TENM4: variants seen among roughly 807,000 people sequenced by gnomAD.
The protein encoded by TENM4 is teneurin-4.
Under a neutral mutation model 243.3 loss-of-function variants are expected in TENM4, and 82 were observed. The ratio of observed to expected loss-of-function variants is 0.34; its 90% CI spans 0.28 to 0.40. The LOEUF (loss-of-function observed/expected upper bound fraction) is 0.40, where lower values mean the gene tolerates loss of function less well. Ranked by LOEUF, TENM4 falls within the 10% of genes least tolerant of loss-of-function variation. The probability of loss-of-function intolerance (pLI) is 1.00; values close to 1 mark genes in which losing one functional copy is unlikely to be tolerated. For missense variants in TENM4, 3,138 were observed against 3,673.3 expected, an observed-to-expected ratio of 0.85 and a Z score of 3.77; for synonymous variants, 1,412 against 1,456.3, an observed-to-expected ratio of 0.97 and a Z score of 0.69.
chr11:79,304,665 G>A (rs1856598796), intron 1 of TENM4, among the ~76,000 whole-genome samples: 1 of 152,166 alleles, frequency 6.6e-6, no homozygotes, highest in African/African-American at 2.4e-5. Context: ...TGCAGCCACA[G>A]GACCTCAGCC....
chr11:79,375,668 C>CG (rs1477627029), intron 1 of TENM4, among the ~76,000 whole-genome samples: 4 of 152,132 alleles, frequency 2.6e-5, no homozygotes, highest in Non-Finnish European at 4.4e-5. Context: ...TAATCATAGA[C>CG]CCCTGCCCTT....
intron 12 of TENM4, among the ~76,000 whole-genome samples, chr11:78,844,385 T>A (rs531795736): frequency 4.6e-5 from 7 of 152,326 alleles, no homozygotes; most frequent in Admixed American, 4.6e-4. Context: ...GGCTCATGCC[T>A]GTAATTCCAG....
chr11:79,194,695 A>G (rs762209044), intron 3 of TENM4, among the ~76,000 whole-genome samples: 7 of 152,320 alleles, frequency 4.6e-5, no homozygotes, highest in Middle Eastern at 3.4e-3. Context: ...TGACTTGGGT[A>G]CTGTTAAAGG....
At chr11:78,896,167 G>A (rs916559375) in intron 7 of TENM4, among the ~76,000 whole-genome samples, 7 of 152,186 alleles carry the variant, frequency 4.6e-5, no homozygotes, top group African/African-American at 1.7e-4. Context: ...CCGCTGTCCT[G>A]GGCCGTGTTT....
rs989861014 is a variant in TENM4 at position 79,115,569 on chromosome 11, C to T, written c.-66+33141G>A. 2.0e-5 allele frequency among the ~76,000 whole-genome samples: 3 copies of T among 152,176 alleles called. No individual in the cohort carries two copies. The East Asian group carries it at 5.8e-4, about 29-fold the overall frequency. ...TTTCACCCTGAATCTTATCCTCTAG[C>T]CTGACCTCTTTCTTGAGCTCCAGAC... On this transcript the variant is annotated intron_variant, in intron 4 of 33. Coordinates refer to ENST00000278550, the MANE Select transcript of TENM4 (RefSeq NM_001098816.3).
chr11:79,190,569 C>A (rs1362784155), intron 3 of TENM4, among the ~76,000 whole-genome samples: 1 of 152,098 alleles, frequency 6.6e-6, no homozygotes, highest in Non-Finnish European at 1.5e-5. Flanking sequence ...ATCCCCTATT[C>A]CCTCAAGAAG....
At chr11:79,271,289 G>A (rs553905969) in intron 2 of TENM4, among the ~76,000 whole-genome samples, 13 of 152,248 alleles carry the variant, frequency 8.5e-5, no homozygotes, top group Admixed American at 4.6e-4. Flanking sequence ...AGAGATCATC[G>A]AATGCTAATC....
At chr11:79,104,078 T>C (rs1360086704) in intron 4 of TENM4, among the ~76,000 whole-genome samples, 1 of 152,180 alleles carries the variant, frequency 6.6e-6, no homozygotes, top group Non-Finnish European at 1.5e-5. Flanking sequence ...TAAATGCCCC[T>C]CTAAAGAGTG....
chr11:78,780,681 G>A (rs759671195), intron 16 of TENM4, among the ~76,000 whole-genome samples: 6 of 152,286 alleles, frequency 3.9e-5, no homozygotes, highest in Non-Finnish European at 7.4e-5. Flanking sequence ...TCTCCCCAGG[G>A]CCAGGGGCTG....
At chr11:79,002,476 C>A (rs548505813) in intron 6 of TENM4, among the ~76,000 whole-genome samples, 8 of 152,336 alleles carry the variant, frequency 5.3e-5, no homozygotes, top group African/African-American at 1.9e-4. Flanking sequence ...ACCTCTAGAA[C>A]AAAGGCAGGG....
chr11:78,781,121 A>T (rs1242772541), intron 16 of TENM4, among the ~76,000 whole-genome samples: 2 of 152,248 alleles, frequency 1.3e-5, no homozygotes, highest in Admixed American at 1.3e-4. Context: ...TATAAAAGGC[A>T]TATGCGGAAG....
rs1425241113 is a variant in TENM4, at chr11:78,655,370, A to G, written c.*2688T>C. On this transcript the variant is annotated 3_prime_UTR_variant, in exon 34 of 34. Transcript: ENST00000278550. ...TGGTGGTATGTAGCACAGGAAAAAT[A>G]TAAGATCCTTTAAAGAAACAAACAC... is the stretch of plus-strand genomic sequence containing the variant. 6.6e-6 allele frequency: 1 copy of G among 152,108 alleles called. No homozygotes were observed. The highest frequency in any genetic ancestry group is 1.5e-5 in the Non-Finnish European group (1 of 68,020). The allele number at this position is 152,108 out of a possible 1,614,324, so 9.4% of individuals were successfully genotyped here. A position where few individuals can be genotyped will look rare whatever the true frequency, so the allele number is the denominator to read the frequency against.
rs1857915890 is a variant in TENM4, at chr11:78,657,168, G to A, written c.*890C>T. The A allele has an allele frequency of 5.0e-6, 2 of 398,746 alleles. No individual in the cohort carries two copies. Among genetic ancestry groups the A allele is most frequent in the Non-Finnish European group, 8.8e-6 (2 of 226,178 alleles). 24.7% of individuals were successfully genotyped at this position (398,746 alleles called of 1,614,324 possible). The stretch of plus-strand genomic sequence containing the variant: ...CTGTGCAGTGCTCGTTCTCACATCT[G>A]GCTTTGGGAGAAAGGAGGAGATGAA... On this transcript the variant is annotated 3_prime_UTR_variant, in exon 34 of 34. Transcript: ENST00000278550.
At chr11:78,900,714 G>A (rs150728519) in intron 7 of TENM4, among the ~76,000 whole-genome samples, 1 of 152,206 alleles carries the variant, frequency 6.6e-6, no homozygotes, top group African/African-American at 2.4e-5. Flanking sequence ...AGGGAACTTG[G>A]CCAGCTAGTA....
At chr11:78,940,874 C>T (rs1228346120) in intron 6 of TENM4, among the ~76,000 whole-genome samples, 1 of 152,198 alleles carries the variant, frequency 6.6e-6, no homozygotes, top group East Asian at 1.9e-4. Flanking sequence ...GCTGCTTTCT[C>T]TTCTCTCCCT....
chr11:79,420,236 T>C (rs1210369381), intron 1 of TENM4, among the ~76,000 whole-genome samples: 1 of 152,204 alleles, frequency 6.6e-6, no homozygotes, highest in East Asian at 1.9e-4. Flanking sequence ...TACTTTGATG[T>C]TTTCCATAAA....
At chr11:79,225,671 G>T (rs1864249525) in intron 2 of TENM4, among the ~76,000 whole-genome samples, 1 of 152,094 alleles carries the variant, frequency 6.6e-6, no homozygotes, top group Non-Finnish European at 1.5e-5. Context: ...TAGAGATGAG[G>T]TCTTGCCACA....
chr11:79,218,236 C>CG lies in TENM4; in HGVS notation c.-264-2328_-264-2327insC, dbSNP rs1474297438. Among the ~76,000 whole-genome samples, 199 of 121,866 alleles carry CG rather than the reference C, an allele frequency of 1.6e-3. 2 individuals carry two copies. Among genetic ancestry groups the CG allele is most frequent in the East Asian group, 0.011 (48 of 4,212 alleles). 79.9% of individuals were successfully genotyped at this position (121,866 alleles called of 152,430 possible). A position where few individuals can be genotyped will look rare whatever the true frequency, so the allele number is the denominator to read the frequency against. On this transcript the variant is annotated intron_variant, in intron 2 of 33. Transcript: ENST00000278550. ...CATTAGAAGTTTACCCCCTGCCCAC[C>CG]CACCCCCGACACACACAACCCCACC...
At chr11:78,961,461 C>G (rs2136532299) in intron 6 of TENM4, among the ~76,000 whole-genome samples, 1 of 152,274 alleles carries the variant, frequency 6.6e-6, no homozygotes, top group East Asian at 1.9e-4. Context: ...TCTGCCATAC[C>G]CCACCTCCCA....
Sources: gnomAD v4.1 joint callset for allele counts (sites outside exome capture counted in the v4.1 genomes callset) on GRCh38, gnomAD v4.1.1 for gene constraint, MANE v1.5 for transcripts, NCBI Gene and HGNC (gene_info 2026-07-23, HGNC 2026-07-21) for gene names.